The following FIGNL2 variants were observed in gnomAD, a reference collection of about 807,000 sequenced individuals.
FIGNL2 encodes the protein fidgetin-like protein 2.
For missense variants in FIGNL2, 1,060 were observed against 950.2 expected (o/e 1.12, Z -1.52); for synonymous variants, 565 against 484.0 (o/e 1.17, Z -2.20).
chr12:51,822,488 A>G (rs1002806958), intron 1 of FIGNL2, 64 bp from the exon 2 acceptor site: 2 of 1,578,114 alleles, frequency 1.3e-6, no homozygotes, highest in Non-Finnish European at 1.7e-6. Flanking sequence ...GGCCACTGCT[A>G]GCCATAGGCC....
chr12:51,820,938 C>T lies in FIGNL2; in HGVS notation c.1476G>A (p.Glu492=). ...CCCGGGCGGGGAGCAGCGCCTCTAG[C>T]TCGCTGATGAGGAGTACGGAGGGTG... ...CRPPSVLLIS[E]LEALLPARDD... The change falls in exon 2 of 2, where the codon GAG becomes GAA. Residue 492 remains glutamate (E), a synonymous_variant. Transcript: ENST00000618634. The T allele has an allele frequency of 7.6e-7, 1 of 1,307,558 alleles. No individual in the cohort carries two copies. The highest frequency in any genetic ancestry group is 9.6e-7 in the Non-Finnish European group (1 of 1,036,416). 81.0% of individuals were successfully genotyped at this position (1,307,558 alleles called of 1,614,324 possible). A position where few individuals can be genotyped will look rare whatever the true frequency, so the allele number is the denominator to read the frequency against.
chr12:51,845,945 A>C (rs1939742419), intron 1 of FIGNL2, among the ~76,000 whole-genome samples: 1 of 147,452 alleles, frequency 6.8e-6, no homozygotes. Context: ...GGGGTGGGGT[A>C]GGGTCATGGG....
At position 51,818,465 on chromosome 12, in the gene FIGNL2, C is replaced by T. The variant is rs1003472601; in HGVS notation, c.*1987G>A. On this transcript the variant is annotated 3_prime_UTR_variant, in exon 2 of 2. Transcript: ENST00000618634. The stretch of plus-strand genomic sequence containing the variant: ...TCTTTTGCAGCCTGCGGCTGTGACC[C>T]GGCAGCCCACTGCTTCTGAGGCACC... 4 of 152,206 alleles carry T rather than the reference C, an allele frequency of 2.6e-5. No homozygotes were observed. The highest frequency in any genetic ancestry group is 1.3e-4 in the Admixed American group (2 of 15,284). The allele number at this position is 152,206 out of a possible 1,614,324, so 9.4% of individuals were successfully genotyped here.
rs1939144114 is a variant in FIGNL2 at position 51,820,371 on chromosome 12, G to GT, written c.*80_*81insA. The GT allele has an allele frequency of 1.3e-6, 2 of 1,519,494 alleles. No individual in the cohort carries two copies. Among genetic ancestry groups the GT allele is most frequent in the Non-Finnish European group, 1.8e-6 (2 of 1,137,660 alleles). 94.1% of individuals were successfully genotyped at this position (1,519,494 alleles called of 1,614,324 possible). Reference sequence around the variant, plus strand: ...TCACCACTCCAGCCCCTGCCAGCCGGGTTTAGTCAGTGACATCCCTCCCAC... The same window carrying GT: ...TCACCACTCCAGCCCCTGCCAGCCGGTGTTTAGTCAGTGACATCCCTCCCAC... On this transcript the variant is annotated 3_prime_UTR_variant, in exon 2 of 2. Transcript: ENST00000618634.
At chr12:51,826,442 A>C (rs147890402) in intron 1 of FIGNL2, among the ~76,000 whole-genome samples, 131 of 151,134 alleles carry the variant, frequency 8.7e-4, no homozygotes, top group African/African-American at 2.9e-3. Flanking sequence ...CAGCCTAGCC[A>C]ACGTGGTGAA....
chr12:51,833,155 C>T (rs73299801), intron 1 of FIGNL2, among the ~76,000 whole-genome samples: 17,162 of 152,076 alleles, frequency 0.11, 1,604 homozygotes, highest in African/African-American at 0.25. Context: ...TCAAGCAGTC[C>T]TCCTACCTCA....
At position 51,825,540 on chromosome 12, in the gene FIGNL2, T is replaced by C. The variant is rs528799978; in HGVS notation, c.-11-3116A>G. The stretch of plus-strand genomic sequence containing the variant: ...CAGTCCTCCACCCCATCCTGCCAGC[T>C]TCATACCCACGAAGTCTCCTCTACT... On this transcript the variant is annotated intron_variant, in intron 1 of 1. Transcript: ENST00000618634. 1.2e-3 allele frequency among the ~76,000 whole-genome samples: 182 copies of C among 152,144 alleles called. 1 individual carries two copies. Among genetic ancestry groups the C allele is most frequent in the African/African-American group, 4.2e-3 (175 of 41,502 alleles).
At chr12:51,836,850 G>T (rs911097513) in intron 1 of FIGNL2, among the ~76,000 whole-genome samples, 1 of 152,022 alleles carries the variant, frequency 6.6e-6, no homozygotes, top group Non-Finnish European at 1.5e-5. Context: ...GTCTGAGCAG[G>T]GTGGACACCC....
At position 51,821,033 on chromosome 12, in the gene FIGNL2, G is replaced by A. The variant is rs1446635472; in HGVS notation, c.1381C>T (p.Leu461=). The change falls in exon 2 of 2, where the codon CTG becomes TTG. Residue 461 remains leucine, a synonymous_variant. Transcript: ENST00000618634. ...CCCTCGGCGGCGCCGGGCGCAGCCAGGGTCGCGCCGCGCAGGCGCAACAGC... is the reference window on the plus strand; with the variant it reads ...CCCTCGGCGGCGCCGGGCGCAGCCAAGGTCGCGCCGCGCAGGCGCAACAGC... The part of the protein sequence containing the change: ...ATLLRLRGAT[L]AAPGAAEGAR... The A allele has an allele frequency of 4.2e-6, 5 of 1,184,214 alleles. No individual in the cohort carries two copies. The highest frequency in any genetic ancestry group is 5.2e-6 in the Non-Finnish European group (5 of 959,558). The allele number at this position is 1,184,214 out of a possible 1,614,324, so 73.4% of individuals were successfully genotyped here. A position where few individuals can be genotyped will look rare whatever the true frequency, so the allele number is the denominator to read the frequency against.
At chr12:51,832,987 A>G (rs1013180507) in intron 1 of FIGNL2, among the ~76,000 whole-genome samples, 19 of 152,242 alleles carry the variant, frequency 1.2e-4, no homozygotes, top group Admixed American at 2.0e-4. Flanking sequence ...AGATTCTTCA[A>G]TCACTTCTCA....
At chr12:51,824,993 G>A (rs780329424) in intron 1 of FIGNL2, among the ~76,000 whole-genome samples, 22 of 152,076 alleles carry the variant, frequency 1.4e-4, no homozygotes, top group Non-Finnish European at 2.8e-4. Flanking sequence ...ACAGTGATCC[G>A]AGGTGGCACC....
Position 51,821,936 on chromosome 12 carries a change from C to T in FIGNL2, c.478G>A (p.Ala160Thr). ...GCCAGGTACCCCCCGCCGTAGCCGG[C>T]CGCGTACTCGGGCGCCGCCGATGGG... is the stretch of plus-strand genomic sequence containing the variant. Reference protein sequence around the residue: ...GGPSAAPEYAAGYGGGYLAPG... With the variant: ...GGPSAAPEYATGYGGGYLAPG... The change falls in exon 2 of 2, where the codon GCC becomes ACC. Residue 160 changes from alanine (A) to threonine (T), a missense_variant. Ala to Thr is a moderately conservative substitution (Grantham distance 58). Coordinates refer to ENST00000618634, the MANE Select transcript of FIGNL2 (RefSeq NM_001384995.1). 2 of 1,515,524 alleles carry T rather than the reference C, an allele frequency of 1.3e-6. No individual in the cohort carries two copies. Among genetic ancestry groups the T allele is most frequent in the Admixed American group, 2.3e-5 (1 of 44,378 alleles). 93.9% of individuals were successfully genotyped at this position (1,515,524 alleles called of 1,614,324 possible).
At chr12:51,847,192 T>A in intron 1 of FIGNL2, 3 of 985,300 alleles carry the variant, frequency 3.0e-6, no homozygotes, top group Non-Finnish European at 3.6e-6. Flanking sequence ...TTTAGGAGGA[T>A]GCTATGGGAT....
rs185520377 is a variant in FIGNL2, at chr12:51,829,839, G to A, written c.-11-7415C>T. ...GAAGGAAGAGAGGGAGGGAGAGAGG[G>A]AGGAGAAGAAAGGAAAAAAAGGAAT... On this transcript the variant is annotated intron_variant, in intron 1 of 1. Coordinates refer to ENST00000618634, the MANE Select transcript of FIGNL2 (RefSeq NM_001384995.1). 2.0e-5 allele frequency among the ~76,000 whole-genome samples: 3 copies of A among 151,946 alleles called. No homozygotes were observed. The East Asian group carries it at 5.8e-4, about 29-fold the overall frequency.
Position 51,820,685 on chromosome 12 carries a change from C to A in FIGNL2, c.1729G>T (p.Ala577Ser). The A allele has an allele frequency of 6.6e-7, 1 of 1,508,232 alleles. No homozygotes were observed. The highest frequency in any genetic ancestry group is 8.8e-7 in the Non-Finnish European group (1 of 1,136,456). 93.4% of individuals were successfully genotyped at this position (1,508,232 alleles called of 1,614,324 possible). The change falls in exon 2 of 2, where the codon GCG becomes TCG. Residue 577 changes from alanine to serine, a missense_variant. Physicochemically the swap from Ala to Ser is moderately conservative, Grantham distance 99. Transcript: ENST00000618634. ...GCCGCCAGTTCCCGCTCACTGAGCG[C>A]GCAGCCCTGCTGGGCCAGCGCCCGC... ...LQRALAQQGC[A>S]LSERELAALV...
intron 1 of FIGNL2, chr12:51,832,018 A>G (rs1939482484): frequency 6.6e-6 from 1 of 152,004 alleles, no homozygotes; most frequent in Non-Finnish European, 1.5e-5. Context: ...TTTTAATTTA[A>G]TTTAATTTAT....
At chr12:51,826,366 C>T (rs1175748782) in intron 1 of FIGNL2, among the ~76,000 whole-genome samples, 5 of 152,056 alleles carry the variant, frequency 3.3e-5, no homozygotes, top group Middle Eastern at 3.4e-3. Context: ...CAGTGGCTCA[C>T]GCCTGTAATC....
At chr12:51,827,139 G>T (rs1356799307) in intron 1 of FIGNL2, among the ~76,000 whole-genome samples, 2 of 152,192 alleles carry the variant, frequency 1.3e-5, no homozygotes, top group Non-Finnish European at 2.9e-5. Context: ...TGGGCCTGCT[G>T]CCAGTTTGCC....
intron 1 of FIGNL2, among the ~76,000 whole-genome samples, chr12:51,840,125 T>C (rs1939637009): frequency 6.6e-6 from 1 of 152,236 alleles, no homozygotes; most frequent in Non-Finnish European, 1.5e-5. Flanking sequence ...CTCACACCTG[T>C]GCACTCAGTG....
Sources: allele counts gnomAD v4.1 joint callset (sites outside exome capture counted in the v4.1 genomes callset), GRCh38; gene constraint gnomAD v4.1.1; transcripts MANE v1.5; gene names NCBI Gene and HGNC (gene_info 2026-07-23, HGNC 2026-07-21).